OR2L13: variants seen among roughly 807,000 people sequenced by gnomAD.
The protein encoded by OR2L13 is olfactory receptor family 2 subfamily L member 13, also known as olfactory receptor 2L13.
In OR2L13, 14 loss-of-function variants were observed where a neutral mutation model predicts 15.3. The ratio of observed to expected loss-of-function variants is 0.91; its 90% CI spans 0.60 to 1.43. The LOEUF is 1.43. OR2L13 is among the 40% of genes most tolerant of loss of function. OR2L13 has a pLI of 0.00. For missense variants in OR2L13, 367 were observed against 387.9 expected (o/e 0.95, Z 0.45); for synonymous variants, 152 against 142.9 (o/e 1.06, Z -0.45).
At chr1:247,956,385 C>A in the OR2L13 span, among the ~76,000 whole-genome samples, 1 of 151,518 alleles carries the variant, frequency 6.6e-6, no homozygotes, top group Non-Finnish European at 1.5e-5. Context: ...CGTGATGCCT[C>A]CAGCTTTGTT....
chr1:248,009,958 T>C, the OR2L13 span, among the ~76,000 whole-genome samples: 30 of 152,126 alleles, frequency 2.0e-4, no homozygotes, highest in Non-Finnish European at 3.5e-4. Context: ...TTCAATAAAA[T>C]TCAACACTCC....
the OR2L13 span, among the ~76,000 whole-genome samples, chr1:248,086,419 G>A: frequency 6.6e-6 from 1 of 152,064 alleles, no homozygotes; most frequent in Admixed American, 6.6e-5. Flanking sequence ...AAATAAACCT[G>A]TATTATGCTA....
At chr1:247,975,443 G>A in the OR2L13 span, 1 of 740,028 alleles carries the variant, frequency 1.4e-6, no homozygotes, top group East Asian at 2.7e-5. Flanking sequence ...TCGACCTGTA[G>A]CACCCACCTC....
At chr1:247,993,809 G>GAGAGAA in the OR2L13 span, among the ~76,000 whole-genome samples, 55 of 132,860 alleles carry the variant, frequency 4.1e-4, no homozygotes, top group Non-Finnish European at 5.4e-4. Flanking sequence ...GAGAGAGAGA[G>GAGAGAA]AGAAAGAAAG....
At chr1:247,966,102 C>G in the OR2L13 span, 1 of 1,613,968 alleles carries the variant, frequency 6.2e-7, no homozygotes, top group Non-Finnish European at 8.5e-7. Flanking sequence ...CCACTTGTTC[C>G]TCCCACCTGA....
the OR2L13 span, among the ~76,000 whole-genome samples, chr1:248,015,172 A>G: frequency 2.0e-4 from 31 of 152,306 alleles, 1 homozygote; most frequent in East Asian, 5.6e-3. Flanking sequence ...CCAAATTCAT[A>G]CCCTTCTCAA....
At chr1:248,090,035 C>T in the OR2L13 span, among the ~76,000 whole-genome samples, 1 of 152,134 alleles carries the variant, frequency 6.6e-6, no homozygotes, top group Non-Finnish European at 1.5e-5. Flanking sequence ...TTCCTCCCTC[C>T]CTTTAAAAAC....
the OR2L13 span, chr1:248,024,238 A>G: frequency 6.6e-6 from 1 of 152,146 alleles, no homozygotes; most frequent in Non-Finnish European, 1.5e-5. Flanking sequence ...AATGATAGCC[A>G]TTAAAATCCC....
At chr1:247,954,585 G>A in the OR2L13 span, among the ~76,000 whole-genome samples, 1 of 150,678 alleles carries the variant, frequency 6.6e-6, no homozygotes, top group African/African-American at 2.4e-5. Context: ...ATCAATCAAG[G>A]TCCTTAATTG....
the OR2L13 span, among the ~76,000 whole-genome samples, chr1:248,031,310 A>G: frequency 6.6e-6 from 1 of 152,200 alleles, no homozygotes; most frequent in Admixed American, 6.5e-5. Flanking sequence ...GAGATGCTAC[A>G]TTGGTGTTCA....
the OR2L13 span, among the ~76,000 whole-genome samples, chr1:247,962,734 T>G: frequency 3.3e-5 from 5 of 152,222 alleles, no homozygotes; most frequent in East Asian, 7.7e-4. Flanking sequence ...TAGTTTTAAT[T>G]GACTTTCTAC....
the OR2L13 span, among the ~76,000 whole-genome samples, chr1:248,032,785 G>A: frequency 6.6e-6 from 1 of 152,036 alleles, no homozygotes; most frequent in Non-Finnish European, 1.5e-5. Flanking sequence ...TGCCTTTGGG[G>A]TATTGTGAAT....
the OR2L13 span, among the ~76,000 whole-genome samples, chr1:248,018,017 T>C: frequency 2.6e-5 from 4 of 151,972 alleles, no homozygotes; most frequent in Non-Finnish European, 5.9e-5. Flanking sequence ...TAGCCTGGCG[T>C]GGTGGTGGGC....
the OR2L13 span, chr1:248,003,122 G>T: frequency 8.1e-7 from 1 of 1,238,562 alleles, no homozygotes. Context: ...TGGATTGTAG[G>T]AATGCCCCAT....
At chr1:247,958,644 T>C in the OR2L13 span, among the ~76,000 whole-genome samples, 1 of 152,178 alleles carries the variant, frequency 6.6e-6, no homozygotes, top group Non-Finnish European at 1.5e-5. Flanking sequence ...GGTGCATATA[T>C]ATTTAGGATA....
chr1:248,042,683 C>G, the OR2L13 span, among the ~76,000 whole-genome samples: 2 of 152,160 alleles, frequency 1.3e-5, no homozygotes, highest in African/African-American at 4.8e-5. Flanking sequence ...TGCAAGTTAA[C>G]TTAGGTCTTT....
chr1:247,969,939 T>G, the OR2L13 span, among the ~76,000 whole-genome samples: 1 of 152,198 alleles, frequency 6.6e-6, no homozygotes. Flanking sequence ...TGGTGTTCTC[T>G]GAAGCTTTTG....
the OR2L13 span, among the ~76,000 whole-genome samples, chr1:247,996,835 G>A: frequency 6.6e-6 from 1 of 152,256 alleles, no homozygotes; most frequent in South Asian, 2.1e-4. Flanking sequence ...TATGTTAATA[G>A]CCAAGGTTTT....
chr1:248,038,692 T>C, the OR2L13 span: 2 of 1,614,160 alleles, frequency 1.2e-6, no homozygotes, highest in Non-Finnish European at 1.7e-6. Flanking sequence ...GTGTGTGTGA[T>C]GATGATAACA....
Sources: allele counts gnomAD v4.1 joint callset (sites outside exome capture counted in the v4.1 genomes callset), GRCh38; gene constraint gnomAD v4.1.1; transcripts MANE v1.5; gene names NCBI Gene and HGNC (gene_info 2026-07-23, HGNC 2026-07-21).